Variants in PRDM16 observed in about 807,000 individuals in gnomAD.
PRDM16 encodes the protein PR/SET domain 16.
PRDM16 carries 23 observed loss-of-function variants against 110.6 expected under a neutral mutation model. The ratio of observed to expected loss-of-function variants is 0.21; its 90% confidence interval spans 0.15 to 0.29. The LOEUF (loss-of-function observed/expected upper bound fraction) is 0.29, where lower values mean the gene tolerates loss of function less well. PRDM16 is among the 10% of genes least tolerant of loss of function. PRDM16 has a pLI of 1.00. For synonymous variants in PRDM16, 799 were observed against 781.8 expected (o/e 1.02, Z -0.37); for missense variants, 1,615 against 1,794.3 (o/e 0.90, Z 1.81).
rs1271251041 is a variant in PRDM16, at chr1:3,245,520, G to C, written c.438+1383G>C. 6.6e-6 allele frequency among the ~76,000 whole-genome samples: 1 copy of C among 152,188 alleles called. No individual in the cohort carries two copies. The highest frequency in any genetic ancestry group is 2.4e-5 in the African/African-American group (1 of 41,434). On this transcript the variant is annotated intron_variant, in intron 3 of 16. Coordinates refer to ENST00000270722, the MANE Select transcript of PRDM16 (RefSeq NM_022114.4). This position sits in a 1 kb window ranked among gnomAD's most constrained non-coding sequence, Gnocchi z 4.7. Reference sequence around the variant, plus strand: ...GGGCCTCCGGAAACTGGGTGAACTGGTTCCCGTGTCCCTCCCCGTCGCTGG... The same window carrying C: ...GGGCCTCCGGAAACTGGGTGAACTGCTTCCCGTGTCCCTCCCCGTCGCTGG...
chr1:3,142,344 T>C (rs1017646623), intron 1 of PRDM16, among the ~76,000 whole-genome samples: 1 of 152,250 alleles, frequency 6.6e-6, no homozygotes, highest in African/African-American at 2.4e-5. Context: ...CGGGGAGCCC[T>C]GTCCCGGGGG....
In PRDM16 at chr1:3,411,497, A is replaced by G. The variant is rs773840841; in HGVS notation, c.1300A>G (p.Thr434Ala). The change falls in exon 9 of 17, where the codon ACT becomes GCT. Residue 434 changes from threonine (T) to alanine (A), a missense_variant. By Grantham distance (58) the Thr-to-Ala change is moderately conservative. Coordinates refer to ENST00000270722, the MANE Select transcript of PRDM16 (RefSeq NM_022114.4). Reference sequence around the variant, plus strand: ...CAAGGACTGTGGCCAGATGTTCAGCACTACCTCCTCCCTCAACAAGCACCG... The same window carrying G: ...CAAGGACTGTGGCCAGATGTTCAGCGCTACCTCCTCCCTCAACAAGCACCG... The part of the protein sequence containing the change: ...KCKDCGQMFS[T>A]TSSLNKHRRF... 1 of 1,614,208 alleles carries G rather than the reference A, an allele frequency of 6.2e-7. No individual in the cohort carries two copies. The highest frequency in any genetic ancestry group is 1.7e-5 in the Admixed American group (1 of 60,032).
At chr1:3,192,374 C>A (rs1638334664) in intron 2 of PRDM16, among the ~76,000 whole-genome samples, 1 of 152,182 alleles carries the variant, frequency 6.6e-6, no homozygotes, top group Non-Finnish European at 1.5e-5. Context: ...CACTTCCAGG[C>A]TCTGGATTAA....
chr1:3,234,551 G>A (rs1639497053), intron 2 of PRDM16, among the ~76,000 whole-genome samples: 1 of 152,120 alleles, frequency 6.6e-6, no homozygotes, highest in African/African-American at 2.4e-5. Context: ...TGTCAGGGTG[G>A]CCAGGGCAGC....
At position 3,080,418 on chromosome 1, in the gene PRDM16, C is replaced by T. The variant is rs960331467; in HGVS notation, c.37+11122C>T. ...GATCGGTTTCTCTACCCCGGCCCATCCAGCCATCCTTTTCTTTAATGAAAC... is the reference window on the plus strand; with the variant it reads ...GATCGGTTTCTCTACCCCGGCCCATTCAGCCATCCTTTTCTTTAATGAAAC... On this transcript the variant is annotated intron_variant, in intron 1 of 16. Transcript: ENST00000270722. This position sits in a 1 kb window ranked among gnomAD's most constrained non-coding sequence, Gnocchi z 5.2. 6.6e-6 allele frequency among the ~76,000 whole-genome samples: 1 copy of T among 152,146 alleles called. No homozygotes were observed. The highest frequency in any genetic ancestry group is 1.5e-5 in the Non-Finnish European group (1 of 68,040).
chr1:3,185,643 C>A (rs1043128510), intron 1 of PRDM16, among the ~76,000 whole-genome samples: 1 of 152,238 alleles, frequency 6.6e-6, no homozygotes, highest in African/African-American at 2.4e-5. Flanking sequence ...GGACTTCTGC[C>A]GTCCCTGATT....
chr1:3,078,824 A>G (rs940142436), intron 1 of PRDM16, among the ~76,000 whole-genome samples: 2 of 152,226 alleles, frequency 1.3e-5, no homozygotes, highest in African/African-American at 4.8e-5. Flanking sequence ...TATTACAGCA[A>G]CTATGGATTT....
At position 3,244,374 on chromosome 1, in the gene PRDM16, T is replaced by C. The variant is rs919291561; in HGVS notation, c.438+237T>C. ...CCGTAGGGTCACAGGTACAGGGCCATCCGCCACTCTCCTAACTCCCGAGAG... is the reference window on the plus strand; with the variant it reads ...CCGTAGGGTCACAGGTACAGGGCCACCCGCCACTCTCCTAACTCCCGAGAG... On this transcript the variant is annotated intron_variant, in intron 3 of 16. Coordinates refer to ENST00000270722, the MANE Select transcript of PRDM16 (RefSeq NM_022114.4). The surrounding 1 kb of genome is among the most constrained non-coding windows in gnomAD (Gnocchi z 4.1). Among the ~76,000 whole-genome samples the C allele has an allele frequency of 6.6e-6, 1 of 152,032 alleles. No individual in the cohort carries two copies. The highest frequency in any genetic ancestry group is 1.5e-5 in the Non-Finnish European group (1 of 68,000).
intron 1 of PRDM16, among the ~76,000 whole-genome samples, chr1:3,103,333 T>C (rs953730733): frequency 1.3e-5 from 2 of 152,200 alleles, no homozygotes; most frequent in African/African-American, 2.4e-5. Flanking sequence ...TGCATCCTCA[T>C]CTTCTAAGGG....
At chr1:3,219,512 C>G (rs890887638) in intron 2 of PRDM16, among the ~76,000 whole-genome samples, 2 of 152,190 alleles carry the variant, frequency 1.3e-5, no homozygotes, top group African/African-American at 2.4e-5. Context: ...AGGGGGCTGG[C>G]AGGCCCTCGG....
intron 1 of PRDM16, among the ~76,000 whole-genome samples, chr1:3,112,685 C>T (rs1168711621): frequency 3.9e-5 from 6 of 152,248 alleles, no homozygotes; most frequent in South Asian, 2.1e-4. Flanking sequence ...AGGGCCTTCC[C>T]ACTTGCGTGG....
chr1:3,200,996 G>A (rs943712042), intron 2 of PRDM16, among the ~76,000 whole-genome samples: 1 of 151,928 alleles, frequency 6.6e-6, no homozygotes, highest in African/African-American at 2.4e-5. Context: ...GGGGAGGAAG[G>A]GGAAGAGGAG....
intron 3 of PRDM16, among the ~76,000 whole-genome samples, chr1:3,347,126 G>A (rs1642377687): frequency 1.3e-5 from 2 of 152,202 alleles, no homozygotes; most frequent in Admixed American, 1.3e-4. Flanking sequence ...GAGGGGGTCA[G>A]TGTACAGCCC....
At chr1:3,147,134 G>A (rs886716258) in intron 1 of PRDM16, among the ~76,000 whole-genome samples, 1 of 149,370 alleles carries the variant, frequency 6.7e-6, no homozygotes, top group African/African-American at 2.5e-5. Flanking sequence ...GAGTGTGTGT[G>A]TGCATGTGTG....
At chr1:3,226,183 G>A (rs1639284813) in intron 2 of PRDM16, among the ~76,000 whole-genome samples, 3 of 152,240 alleles carry the variant, frequency 2.0e-5, no homozygotes, top group African/African-American at 7.2e-5. Context: ...AGAGCTAAGA[G>A]CTGCCAAGAA....
At chr1:3,179,678 C>A (rs1202856309) in intron 1 of PRDM16, among the ~76,000 whole-genome samples, 1 of 152,038 alleles carries the variant, frequency 6.6e-6, no homozygotes, top group Admixed American at 6.5e-5. Context: ...ATTGAAGGGG[C>A]CGCCCGCTCT....
intron 3 of PRDM16, among the ~76,000 whole-genome samples, chr1:3,278,834 G>A (rs571782992): frequency 3.3e-5 from 5 of 152,286 alleles, no homozygotes; most frequent in South Asian, 4.1e-4. Flanking sequence ...ACGGGGCAGC[G>A]GAACAAAGCA....
rs902204576 is a variant in PRDM16, at chr1:3,358,258, G to A, written c.439-26894G>A. 1.3e-5 allele frequency among the ~76,000 whole-genome samples: 2 copies of A among 152,194 alleles called. No individual in the cohort carries two copies. Among genetic ancestry groups the A allele is most frequent in the Non-Finnish European group, 2.9e-5 (2 of 68,032 alleles). On this transcript the variant is annotated intron_variant, in intron 3 of 16. Transcript: ENST00000270722. The surrounding 1 kb of genome is among the most constrained non-coding windows in gnomAD (Gnocchi z 4.0). Reference sequence around the variant, plus strand: ...AAGTCACCATGAGACTCCCGGTTCTGCCTCCTGGGGACCCAGCCTGCCTGC... The same window carrying A: ...AAGTCACCATGAGACTCCCGGTTCTACCTCCTGGGGACCCAGCCTGCCTGC...
chr1:3,105,790 C>T (rs942978905), intron 1 of PRDM16, among the ~76,000 whole-genome samples: 2 of 152,244 alleles, frequency 1.3e-5, no homozygotes, highest in Admixed American at 6.5e-5. Context: ...CTAGCAGAGG[C>T]CACTGCTGTG....
Sources: allele counts gnomAD v4.1 joint callset (sites outside exome capture counted in the v4.1 genomes callset), GRCh38; gene constraint gnomAD v4.1.1; non-coding constraint Gnocchi (gnomAD v3.1); transcripts MANE v1.5; gene names NCBI Gene and HGNC (gene_info 2026-07-23, HGNC 2026-07-21).